Variants in STIL observed in about 807,000 individuals in gnomAD.
STIL encodes the protein STIL centriolar assembly protein, also known as SCL-interrupting locus protein.
In STIL, 55 loss-of-function variants were observed where a neutral mutation model predicts 110.1. The ratio of observed to expected loss-of-function variants is 0.50; its 90% CI spans 0.40 to 0.63. The LOEUF is 0.63. Ranked by LOEUF, STIL falls within the 20% of genes least tolerant of loss-of-function variation. The probability of loss-of-function intolerance (pLI) is 0.00; values close to 1 mark genes in which losing one functional copy is unlikely to be tolerated. For synonymous variants in STIL, 481 were observed against 530.0 expected (o/e 0.91, Z 1.27); for missense variants, 1,358 against 1,530.0 (o/e 0.89, Z 1.87).
chr1:47,265,691 G>T (rs1570066243), intron 14 of STIL, among the ~76,000 whole-genome samples: 1 of 145,444 alleles, frequency 6.9e-6, no homozygotes, highest in East Asian at 2.1e-4. Flanking sequence ...TGAGGCAGGA[G>T]AACTGCTTGT....
In STIL at chr1:47,281,273, C is replaced by T. The variant is rs953749816; in HGVS notation, c.1249-64G>A. The T allele has an allele frequency of 2.7e-6, 4 of 1,481,798 alleles. No homozygotes were observed. The Admixed American group carries it at 8.5e-5, about 31-fold the overall frequency. 91.8% of individuals were successfully genotyped at this position (1,481,798 alleles called of 1,614,324 possible). Reference sequence around the variant, plus strand: ...TTGGAGAAACTGTATACTTTACTTTCCTCAGACCAGTATTTCCCAAATTAT... The same window carrying T: ...TTGGAGAAACTGTATACTTTACTTTTCTCAGACCAGTATTTCCCAAATTAT... On this transcript the variant is annotated intron_variant, in intron 11 of 16. Transcript: ENST00000371877.
intron 15 of STIL, among the ~76,000 whole-genome samples, chr1:47,261,391 A>T (rs1243967624): frequency 1.3e-5 from 2 of 151,954 alleles, no homozygotes; most frequent in Admixed American, 6.6e-5. Context: ...CTGTCTAAAA[A>T]AAATAAATAA....
In STIL at chr1:47,251,923, C is replaced by A; in HGVS notation, c.3081-1G>T. On this transcript the variant is annotated splice_acceptor_variant, in intron 16 of 16. Coordinates refer to ENST00000371877, the MANE Select transcript of STIL (RefSeq NM_001048166.1). LOFTEE classifies it high-confidence loss of function. Reference sequence around the variant, plus strand: ...TTCTGGGCTGATGCATGCCAACACACTGAAAGACACAAAGTAGTAAGCCAT... The same window carrying A: ...TTCTGGGCTGATGCATGCCAACACAATGAAAGACACAAAGTAGTAAGCCAT... The A allele has an allele frequency of 6.2e-7, 1 of 1,610,478 alleles. No homozygotes were observed. Among genetic ancestry groups the A allele is most frequent in the Non-Finnish European group, 8.5e-7 (1 of 1,179,168 alleles).
chr1:47,270,285 C>CACACACAG, intron 13 of STIL, among the ~76,000 whole-genome samples: 1 of 150,096 alleles, frequency 6.7e-6, no homozygotes, highest in African/African-American at 2.5e-5. Flanking sequence ...CACACACACA[C>CACACACAG]ACACACACAA....
chr1:47,279,692 G>T (rs1192943410), intron 12 of STIL, among the ~76,000 whole-genome samples: 2 of 133,334 alleles, frequency 1.5e-5, no homozygotes, highest in Non-Finnish European at 3.0e-5. Context: ...TCATGCCCCT[G>T]CACTCCAGCC....
Position 47,293,465 on chromosome 1 carries a change from G to A in STIL, c.865C>T (p.Gln289Ter). 1 of 1,612,336 alleles carries A rather than the reference G, an allele frequency of 6.2e-7. No individual in the cohort carries two copies. Among genetic ancestry groups the A allele is most frequent in the Non-Finnish European group, 8.5e-7 (1 of 1,178,752 alleles). The change falls in exon 8 of 17, where the codon CAA (glutamine) becomes TAA (stop). Residue 289 changes from glutamine (Q) to a stop codon, truncating the protein, a stop_gained. Coordinates refer to ENST00000371877, the MANE Select transcript of STIL (RefSeq NM_001048166.1). LOFTEE classifies it high-confidence loss of function. ...CLRYIFNSSV[Q>*]ERVFSESGNF... ...GAATAAAATATCACTTGCCTTTCTT[G>A]AACAGAAGAATTGAATATGTATCGC...
chr1:47,313,493 A>G (rs547419294), intron 1 of STIL, among the ~76,000 whole-genome samples: 1 of 152,066 alleles, frequency 6.6e-6, no homozygotes, highest in South Asian at 2.1e-4. Flanking sequence ...CCCGGTTTCA[A>G]TATCTGCACA....
At chr1:47,285,242 G>A (rs978312391) in intron 10 of STIL, among the ~76,000 whole-genome samples, 1 of 152,004 alleles carries the variant, frequency 6.6e-6, no homozygotes, top group African/African-American at 2.4e-5. Context: ...ACATTGCCCA[G>A]GCTGGTCTCG....
intron 8 of STIL, 94 bp from the exon 9 acceptor site, chr1:47,289,679 A>G: frequency 7.8e-7 from 1 of 1,281,078 alleles, no homozygotes; most frequent in Non-Finnish European, 1.1e-6. Context: ...AGTTAACAAA[A>G]TGACTAAAAG....
chr1:47,282,493 T>A lies in STIL; in HGVS notation c.1134-34A>T. On this transcript the variant is annotated intron_variant, in intron 10 of 16. Coordinates refer to ENST00000371877, the MANE Select transcript of STIL (RefSeq NM_001048166.1). ...TAGAAGGGGAGACCAGAAAAGCCTT[T>A]GGTAATCCAGTGTTTTCTTTCTTCT... 2 of 1,310,476 alleles carry A rather than the reference T, an allele frequency of 1.5e-6. 1 individual carries two copies. Among genetic ancestry groups the A allele is most frequent in the Middle Eastern group, 3.6e-4 (2 of 5,516 alleles). 81.2% of individuals were successfully genotyped at this position (1,310,476 alleles called of 1,614,324 possible).
chr1:47,259,234 C>T, intron 16 of STIL, among the ~76,000 whole-genome samples: 1 of 150,312 alleles, frequency 6.7e-6, no homozygotes. Flanking sequence ...GATCCGCCCA[C>T]CTCGGCTTCC....
rs1570259804 is a variant in STIL, at chr1:47,299,890, G to A, written c.701+15C>T. 1.9e-6 allele frequency: 3 copies of A among 1,609,454 alleles called. No homozygotes were observed. The highest frequency in any genetic ancestry group is 2.6e-6 in the Non-Finnish European group (3 of 1,176,104). On this transcript the variant is annotated intron_variant, in intron 6 of 16. Transcript: ENST00000371877. ...TAATGCAACTAACATTTAGATTAAT[G>A]TATCTTTTACTTACCCATATTTATA...
At chr1:47,302,448 T>C in intron 3 of STIL, 102 bp from the exon 4 acceptor site, 2 of 929,184 alleles carry the variant, frequency 2.2e-6, no homozygotes, top group East Asian at 2.6e-5. Flanking sequence ...TTTTTAAAAA[T>C]GTACAGAAAG....
In STIL at chr1:47,251,200, C is replaced by A. The variant is rs1341262766; in HGVS notation, c.3803G>T (p.Ser1268Ile). 1 of 1,612,384 alleles carries A rather than the reference C, an allele frequency of 6.2e-7. No individual in the cohort carries two copies. The stretch of plus-strand genomic sequence containing the variant: ...TAAGAAGGTGCCTACTGAATTCATG[C>A]TATTCATCTGCTTTAGCGTTTCAGA... ...QPSETLKQMN[S>I]MNSVGTFLDV... Residue 1268 changes from serine (S) to isoleucine (I), a missense_variant, in exon 17 of 17, where the codon AGC becomes ATC. By Grantham distance (142) the Ser-to-Ile change is moderately radical. Coordinates refer to ENST00000371877, the MANE Select transcript of STIL (RefSeq NM_001048166.1).
intron 4 of STIL, among the ~76,000 whole-genome samples, chr1:47,301,969 GTAAT>G (rs1232462191): frequency 1.3e-5 from 2 of 152,172 alleles, no homozygotes; most frequent in African/African-American, 4.8e-5. Flanking sequence ...AGTGAACTCT[GTAAT>G]TAATAGTTTT....
At chr1:47,287,886 C>T (rs1450299126) in intron 9 of STIL, among the ~76,000 whole-genome samples, 2 of 151,814 alleles carry the variant, frequency 1.3e-5, no homozygotes, top group East Asian at 3.8e-4. Context: ...ATGAGAATAC[C>T]ATCTAAAGAA....
chr1:47,303,322 T>G (rs1438245399), intron 3 of STIL, among the ~76,000 whole-genome samples: 1 of 152,178 alleles, frequency 6.6e-6, no homozygotes, highest in Non-Finnish European at 1.5e-5. Context: ...CCCAGCACTT[T>G]GGGAGGATGA....
chr1:47,310,479 A>C, intron 1 of STIL, 117 bp from the exon 2 acceptor site: 1 of 599,206 alleles, frequency 1.7e-6, no homozygotes, highest in South Asian at 2.0e-5. Context: ...GTGTGACTAT[A>C]GATTAATAAG....
intron 9 of STIL, among the ~76,000 whole-genome samples, chr1:47,288,164 A>G (rs1008754135): frequency 6.6e-6 from 1 of 150,950 alleles, no homozygotes; most frequent in African/African-American, 2.4e-5. Context: ...ACACGTGGTT[A>G]TTTAAAAGTA....
Sources: allele counts gnomAD v4.1 joint callset (sites outside exome capture counted in the v4.1 genomes callset), GRCh38; gene constraint gnomAD v4.1.1; transcripts MANE v1.5; gene names NCBI Gene and HGNC (gene_info 2026-07-23, HGNC 2026-07-21).